The following PID1 variants were observed in gnomAD, a reference collection of about 807,000 sequenced individuals.
PID1 encodes PTB-containing, cubilin and LRP1-interacting protein.
In PID1, 10 loss-of-function variants were observed where a neutral mutation model predicts 19.1. The ratio of observed to expected loss-of-function variants is 0.52; its 90% CI spans 0.32 to 0.89. The LOEUF is 0.89. Ranked by LOEUF, PID1 falls within the 40% of genes least tolerant of loss-of-function variation. The pLI, the probability that PID1 is intolerant of heterozygous loss-of-function variation, is 0.03. For synonymous variants in PID1, 130 were observed against 116.0 expected (o/e 1.12, Z -0.78); for missense variants, 248 against 285.3 (o/e 0.87, Z 0.94).
At chr2:229,038,934 A>C (rs1693714994) in intron 2 of PID1, among the ~76,000 whole-genome samples, 1 of 152,228 alleles carries the variant, frequency 6.6e-6, no homozygotes, top group Non-Finnish European at 1.5e-5. Flanking sequence ...ATCGGTAAAC[A>C]AACCTGAAAT....
chr2:229,139,547 A>T (rs2106178885), intron 2 of PID1, among the ~76,000 whole-genome samples: 1 of 152,276 alleles, frequency 6.6e-6, no homozygotes, highest in South Asian at 2.1e-4. Context: ...CAACGAACAA[A>T]AAAGCCTCCT....
chr2:229,264,438 A>G (rs1690541088), intron 1 of PID1, among the ~76,000 whole-genome samples: 1 of 152,162 alleles, frequency 6.6e-6, no homozygotes, highest in South Asian at 2.1e-4. Flanking sequence ...AGGCCTCTCT[A>G]AAACAGGGAC....
chr2:229,102,484 A>G (rs1695092363), intron 2 of PID1, among the ~76,000 whole-genome samples: 1 of 152,206 alleles, frequency 6.6e-6, no homozygotes, highest in South Asian at 2.1e-4. Flanking sequence ...TAAAAGGAGG[A>G]AAGCGAGACT....
intron 1 of PID1, among the ~76,000 whole-genome samples, chr2:229,185,035 C>G (rs1691093498): frequency 7.1e-6 from 1 of 141,298 alleles, no homozygotes; most frequent in Non-Finnish European, 1.5e-5. Context: ...TACTATATAT[C>G]CTATATATAT....
chr2:229,108,394 TG>T (rs772489525), intron 2 of PID1, among the ~76,000 whole-genome samples: 1 of 152,122 alleles, frequency 6.6e-6, no homozygotes, highest in Non-Finnish European at 1.5e-5. Context: ...CACCAATGCA[TG>T]GGGGAGCAAA....
chr2:229,270,124 C>T (rs939312015), intron 1 of PID1, among the ~76,000 whole-genome samples: 1 of 152,222 alleles, frequency 6.6e-6, no homozygotes, highest in Non-Finnish European at 1.5e-5. Flanking sequence ...CAGTTAAACA[C>T]GTCTTCAAAG....
intron 2 of PID1, among the ~76,000 whole-genome samples, chr2:229,107,445 G>A (rs1695199488): frequency 6.8e-6 from 1 of 147,214 alleles, no homozygotes; most frequent in Non-Finnish European, 1.5e-5. Flanking sequence ...GCTCCTCTCA[G>A]TAGAATTTTC....
chr2:229,106,400 G>A (rs932539923), intron 2 of PID1, among the ~76,000 whole-genome samples: 38 of 152,070 alleles, frequency 2.5e-4, no homozygotes, highest in African/African-American at 8.7e-4. Flanking sequence ...CAAAGAACAG[G>A]GTATTTGCAT....
At chr2:229,159,585 C>A (rs1690451564) in intron 1 of PID1, among the ~76,000 whole-genome samples, 2 of 152,120 alleles carry the variant, frequency 1.3e-5, no homozygotes, top group Admixed American at 1.3e-4. Flanking sequence ...TTCTTGCCAA[C>A]CCCCACAAGT....
intron 2 of PID1, among the ~76,000 whole-genome samples, chr2:229,139,115 G>GAGAGAGAA (rs1689949635): frequency 4.2e-5 from 2 of 48,056 alleles, no homozygotes; most frequent in Non-Finnish European, 8.0e-5. Context: ...AAGAAAGAAA[G>GAGAGAGAA]AGAAAGAAAG....
intron 2 of PID1, among the ~76,000 whole-genome samples, chr2:229,056,477 G>A (rs1694102632): frequency 6.6e-6 from 1 of 152,016 alleles, no homozygotes; most frequent in Non-Finnish European, 1.5e-5. Flanking sequence ...CTGTCTTTAG[G>A]AAACTAAACC....
intron 1 of PID1, among the ~76,000 whole-genome samples, chr2:229,205,879 T>C (rs962575403): frequency 6.6e-6 from 1 of 152,180 alleles, no homozygotes; most frequent in Non-Finnish European, 1.5e-5. Flanking sequence ...AAATCCATAG[T>C]GGACCATTAA....
Position 229,025,504 on chromosome 2 carries a change from G to A in PID1, c.*128C>T. 1 of 708,530 alleles carries A rather than the reference G, an allele frequency of 1.4e-6. No individual in the cohort carries two copies. The highest frequency in any genetic ancestry group is 1.8e-5 in the South Asian group (1 of 57,132). 43.9% of individuals were successfully genotyped at this position (708,530 alleles called of 1,614,324 possible). On this transcript the variant is annotated 3_prime_UTR_variant, in exon 3 of 3. Transcript: ENST00000392055. ...TCTTTAGATTTAGAATTGCTCTTCT[G>A]AATTTAAAAACCTTGGTCAGCCAAT...
intron 2 of PID1, among the ~76,000 whole-genome samples, chr2:229,030,373 A>G (rs968160768): frequency 3.9e-5 from 6 of 152,192 alleles, no homozygotes; most frequent in Non-Finnish European, 8.8e-5. Flanking sequence ...TGTATTTAAT[A>G]TCACTGAACT....
intron 1 of PID1, among the ~76,000 whole-genome samples, chr2:229,218,265 T>C (rs897614714): frequency 1.3e-4 from 11 of 86,990 alleles, no homozygotes; most frequent in African/African-American, 5.1e-4. Context: ...TCACTTGAAA[T>C]AACTTCTCTA....
At chr2:229,189,843 A>G (rs1026025643) in intron 1 of PID1, among the ~76,000 whole-genome samples, 1 of 152,242 alleles carries the variant, frequency 6.6e-6, no homozygotes, top group Admixed American at 6.5e-5. Flanking sequence ...GGAGTGCCTC[A>G]TGGGGTGCAT....
chr2:229,098,587 G>T (rs561671177), intron 2 of PID1, among the ~76,000 whole-genome samples: 1 of 149,344 alleles, frequency 6.7e-6, no homozygotes, highest in Admixed American at 6.6e-5. Context: ...TCCTGGGGCT[G>T]GGGGGGAAGA....
At chr2:229,225,954 C>T (rs1417701667) in intron 1 of PID1, among the ~76,000 whole-genome samples, 1 of 152,134 alleles carries the variant, frequency 6.6e-6, no homozygotes, top group Non-Finnish European at 1.5e-5. Context: ...AACTACAGTT[C>T]AGGATGACAT....
chr2:229,227,855 T>C (rs1188146975), intron 1 of PID1: 3 of 366,310 alleles, frequency 8.2e-6, no homozygotes, highest in African/African-American at 4.2e-5. Flanking sequence ...ACGATTTATA[T>C]AGCATTTACA....
Sources: allele counts gnomAD v4.1 joint callset (sites outside exome capture counted in the v4.1 genomes callset), GRCh38; gene constraint gnomAD v4.1.1; transcripts MANE v1.5; gene names NCBI Gene and HGNC (gene_info 2026-07-23, HGNC 2026-07-21).